EVC2: variants seen among roughly 807,000 people sequenced by gnomAD.
EVC2 encodes limbin.
A neutral mutation model predicts 149.3 loss-of-function variants in EVC2; 148 were observed. The observed-to-expected ratio is 0.99, with a 90% CI of 0.87 to 1.14. The LOEUF (loss-of-function observed/expected upper bound fraction) is 1.14. EVC2 is among the 50% of genes most tolerant of loss of function. The pLI, the probability that EVC2 is intolerant of heterozygous loss-of-function variation, is 0.00. For missense variants in EVC2, 1,854 were observed against 1,627.3 expected (o/e 1.14, Z -2.40); for synonymous variants, 776 against 649.9 (o/e 1.19, Z -2.95).
At chr4:5,665,759 C>T in intron 7 of EVC2, 110 bp from the exon 8 acceptor site, 2 of 1,510,576 alleles carry the variant, frequency 1.3e-6, no homozygotes, top group Non-Finnish European at 1.8e-6. Context: ...AGGGGACTCG[C>T]TTGCATTTGA....
rs548684697 is a variant in EVC2, at chr4:5,702,529, T to C, written c.229-4882A>G. Among the ~76,000 whole-genome samples the C allele has an allele frequency of 2.0e-5, 3 of 152,312 alleles. No homozygotes were observed. The East Asian group carries it at 5.8e-4, about 29-fold the overall frequency. Reference sequence around the variant, plus strand: ...CCCTTCTGATCAACTTCCAGTAGAATGGTCTGCATTGATGAAAATGGTCTA... The same window carrying C: ...CCCTTCTGATCAACTTCCAGTAGAACGGTCTGCATTGATGAAAATGGTCTA... On this transcript the variant is annotated intron_variant, in intron 1 of 21. Transcript: ENST00000344408.
At chr4:5,697,488 G>T in intron 2 of EVC2, 105 bp downstream of exon 2, 1 of 1,151,596 alleles carries the variant, frequency 8.7e-7, no homozygotes, top group Non-Finnish European at 1.3e-6. Context: ...GTAGAGAGGT[G>T]CTGGAAGGAT....
At chr4:5,564,077 G>A (rs1396743073) in intron 21 of EVC2, among the ~76,000 whole-genome samples, 2 of 152,086 alleles carry the variant, frequency 1.3e-5, no homozygotes, top group African/African-American at 4.8e-5. Flanking sequence ...CACTGGGGAT[G>A]CACCTGCTGC....
At position 5,562,993 on chromosome 4, in the gene EVC2, T is replaced by G; in HGVS notation, c.3782A>C (p.Glu1261Ala). ...TCCTGTGTTTAATAGATCAATGGTT[T>G]CTGCCCCTACAATGGGTACAGGGGC... ...ELAPVPIVGA[E>A]TIDLLNTGEK... The change falls in exon 22 of 22, where the codon GAA (glutamate) becomes GCA (alanine). Residue 1261 changes from glutamate to alanine, a missense_variant. Physicochemically the swap from Glu to Ala is moderately radical, Grantham distance 107 (BLOSUM62 -1). Coordinates refer to ENST00000344408, the MANE Select transcript of EVC2 (RefSeq NM_147127.5). The surrounding 1 kb of genome is among the most constrained non-coding windows in gnomAD (Gnocchi z 4.3). The G allele has an allele frequency of 6.2e-7, 1 of 1,614,228 alleles. No homozygotes were observed. The highest frequency in any genetic ancestry group is 8.5e-7 in the Non-Finnish European group (1 of 1,180,036).
chr4:5,694,205 T>A, intron 3 of EVC2, 130 bp downstream of exon 3: 2 of 901,016 alleles, frequency 2.2e-6, no homozygotes. Context: ...CAGTGATAAC[T>A]ATATTTAGTG....
chr4:5,682,790 C>T (rs993261038), intron 6 of EVC2, among the ~76,000 whole-genome samples: 7 of 145,934 alleles, frequency 4.8e-5, no homozygotes, highest in African/African-American at 1.3e-4. Flanking sequence ...ACCTGGGAGG[C>T]GGAGGTTGCA....
chr4:5,683,236 G>T (rs1720469279), intron 6 of EVC2, among the ~76,000 whole-genome samples: 1 of 152,184 alleles, frequency 6.6e-6, no homozygotes. Context: ...CTCTGCTTTG[G>T]AATACGTACG....
rs888701582 is a variant in EVC2 at position 5,708,413 on chromosome 4, C to T, written c.101G>A (p.Ser34Asn). The T allele has an allele frequency of 2.5e-5, 37 of 1,502,390 alleles. No homozygotes were observed. Among genetic ancestry groups the T allele is most frequent in the Non-Finnish European group, 3.1e-5 (35 of 1,132,886 alleles). 93.1% of individuals were successfully genotyped at this position (1,502,390 alleles called of 1,614,324 possible). The change falls in exon 1 of 22, where the codon AGC becomes AAC. Residue 34 changes from serine to asparagine, a missense_variant. Physicochemically the swap from Ser to Asn is conservative, Grantham distance 46 (BLOSUM62 1). Coordinates refer to ENST00000344408, the MANE Select transcript of EVC2 (RefSeq NM_147127.5). ...GAGGGGGCGCCAGCGGGGACGTGAG[C>T]TGGCGCCGAGACAGCCTCGGCCCCC... Reference protein sequence around the residue: ...ALGGRGCLGASSRPRWRPLGA... With the variant: ...ALGGRGCLGANSRPRWRPLGA...
chr4:5,580,677 A>G (rs929153786), intron 17 of EVC2, among the ~76,000 whole-genome samples: 1 of 152,198 alleles, frequency 6.6e-6, no homozygotes, highest in African/African-American at 2.4e-5. Context: ...CCTCCACGCT[A>G]ATCACCTCCA....
intron 16 of EVC2, among the ~76,000 whole-genome samples, chr4:5,596,625 C>T (rs1431092043): frequency 6.6e-6 from 1 of 151,966 alleles, no homozygotes; most frequent in Non-Finnish European, 1.5e-5. Context: ...CAGGAAAGAT[C>T]CAAAATTGAC....
intron 10 of EVC2, among the ~76,000 whole-genome samples, chr4:5,632,917 C>T (rs1389946351): frequency 6.6e-6 from 1 of 152,184 alleles, no homozygotes; most frequent in Non-Finnish European, 1.5e-5. Context: ...CATAAATTCC[C>T]TCCCCTTGAG....
chr4:5,542,935 C>T (rs1356707419), intron 22 of EVC2: 1 of 350,930 alleles, frequency 2.8e-6, no homozygotes, highest in Non-Finnish European at 5.5e-6. Context: ...GCATCGGTAA[C>T]CAATGATTTT....
chr4:5,665,579 C>G lies in EVC2; in HGVS notation c.941G>C (p.Trp314Ser). ...GCGAACCATGAGGAAGAGGGCAGCC[C>G]AGGTCAGCACAAGGGAGAGGAGGAA... Reference protein sequence around the residue: ...IAFLLSLVLTWAALFLMVRYQ... With the variant: ...IAFLLSLVLTSAALFLMVRYQ... Residue 314 changes from tryptophan to serine, a missense_variant, in exon 8 of 22, where the codon TGG becomes TCG. Physicochemically the swap from Trp to Ser is radical, Grantham distance 177 (BLOSUM62 -3). Coordinates refer to ENST00000344408, the MANE Select transcript of EVC2 (RefSeq NM_147127.5). 1 of 1,614,180 alleles carries G rather than the reference C, an allele frequency of 6.2e-7. No individual in the cohort carries two copies. The highest frequency in any genetic ancestry group is 8.5e-7 in the Non-Finnish European group (1 of 1,180,028).
chr4:5,535,057 A>G, the EVC2 span, among the ~76,000 whole-genome samples: 1 of 152,132 alleles, frequency 6.6e-6, no homozygotes, highest in Admixed American at 6.5e-5. This position sits in a 1 kb window ranked among gnomAD's most constrained non-coding sequence, Gnocchi z 4.7. Flanking sequence ...CCTCAATACC[A>G]GTTTAAAGAC....
the EVC2 span, among the ~76,000 whole-genome samples, chr4:5,534,937 TAA>T: frequency 6.6e-6 from 1 of 150,896 alleles, no homozygotes; most frequent in Non-Finnish European, 1.5e-5. Context: ...CAGGAGAATT[TAA>T]AAAAAAAATT....
At chr4:5,643,996 C>T (rs1717530442) in intron 9 of EVC2, among the ~76,000 whole-genome samples, 1 of 152,200 alleles carries the variant, frequency 6.6e-6, no homozygotes, top group African/African-American at 2.4e-5. Flanking sequence ...TACAATTGAA[C>T]ATTTAATTCA....
intron 16 of EVC2, among the ~76,000 whole-genome samples, chr4:5,599,036 A>C (rs1226714251): frequency 3.9e-5 from 6 of 152,068 alleles, no homozygotes. Context: ...ATCTCACACC[A>C]GTTAGAATGG....
Position 5,708,522 on chromosome 4 carries a change from G to A in EVC2, c.-9C>T. ...GAGCCCGAGGGGTCCATCGCCTGTC[G>A]GGACCCGCTACCTCAAAGCGGCGGG... On this transcript the variant is annotated 5_prime_UTR_variant, in exon 1 of 22. Coordinates refer to ENST00000344408, the MANE Select transcript of EVC2 (RefSeq NM_147127.5). 1 of 1,447,972 alleles carries A rather than the reference G, an allele frequency of 6.9e-7. No homozygotes were observed. Among genetic ancestry groups the A allele is most frequent in the Non-Finnish European group, 9.0e-7 (1 of 1,107,292 alleles). 89.7% of individuals were successfully genotyped at this position (1,447,972 alleles called of 1,614,324 possible).
chr4:5,606,493 A>C (rs1218616795), intron 16 of EVC2, among the ~76,000 whole-genome samples: 2 of 152,212 alleles, frequency 1.3e-5, no homozygotes, highest in African/African-American at 4.8e-5. Flanking sequence ...CTTAAAAGCA[A>C]GTCTTCAAAG....
Sources: gnomAD v4.1 joint callset for allele counts (sites outside exome capture counted in the v4.1 genomes callset) on GRCh38, gnomAD v4.1.1 for gene constraint, Gnocchi (gnomAD v3.1) non-coding constraint, MANE v1.5 for transcripts, NCBI Gene and HGNC (gene_info 2026-07-23, HGNC 2026-07-21) for gene names.